GSTCD: variants seen among roughly 807,000 people sequenced by gnomAD.
GSTCD encodes glutathione S-transferase C-terminal domain containing, also known as glutathione S-transferase C-terminal domain-containing protein.
GSTCD carries 44 observed loss-of-function variants against 68.3 expected under a neutral mutation model. The observed-to-expected ratio is 0.64, with a 90% confidence interval of 0.51 to 0.83. The LOEUF (loss-of-function observed/expected upper bound fraction) is 0.83, where lower values mean the gene tolerates loss of function less well. Ranked by LOEUF, GSTCD falls within the 40% of genes least tolerant of loss-of-function variation. GSTCD has a pLI of 0.00. For missense variants in GSTCD, 739 were observed against 735.9 expected (o/e 1.00, Z -0.05); for synonymous variants, 273 against 255.2 (o/e 1.07, Z -0.67).
intron 5 of GSTCD, among the ~76,000 whole-genome samples, chr4:105,819,513 A>G (rs914146437): frequency 2.6e-5 from 4 of 151,786 alleles, no homozygotes; most frequent in African/African-American, 9.7e-5. Flanking sequence ...TATTGGGCAT[A>G]TAAGTAGGTA....
chr4:105,766,362 C>G (rs1037826723), intron 5 of GSTCD, among the ~76,000 whole-genome samples: 1 of 152,104 alleles, frequency 6.6e-6, no homozygotes, highest in Non-Finnish European at 1.5e-5. Context: ...GTGACTTCTC[C>G]CTTGCTCCTA....
chr4:105,750,172 A>G (rs1733958067), intron 5 of GSTCD, among the ~76,000 whole-genome samples: 1 of 152,216 alleles, frequency 6.6e-6, no homozygotes, highest in South Asian at 2.1e-4. Flanking sequence ...TTGAAAAGTA[A>G]CAACACTGAG....
chr4:105,743,199 C>A (rs1460145891), intron 5 of GSTCD, among the ~76,000 whole-genome samples: 1 of 152,064 alleles, frequency 6.6e-6, no homozygotes, highest in Non-Finnish European at 1.5e-5. Flanking sequence ...ATCTGCCCCC[C>A]TTGGCCTCCC....
intron 5 of GSTCD, among the ~76,000 whole-genome samples, chr4:105,791,396 A>C (rs1735669076): frequency 6.6e-6 from 1 of 150,962 alleles, no homozygotes; most frequent in Admixed American, 6.6e-5. Context: ...CCGTCTCAAA[A>C]AAAAAAAAAA....
chr4:105,775,971 G>A (rs1283505891), intron 5 of GSTCD, among the ~76,000 whole-genome samples: 1 of 152,190 alleles, frequency 6.6e-6, no homozygotes, highest in East Asian at 1.9e-4. Flanking sequence ...CAGGTGCTCT[G>A]TCCCAGGGAG....
At position 105,795,023 on chromosome 4, in the gene GSTCD, C is replaced by T. The variant is rs546585294; in HGVS notation, c.1241-27931C>T. Among the ~76,000 whole-genome samples, 251 of 151,808 alleles carry T rather than the reference C, an allele frequency of 1.7e-3. 1 individual carries two copies. Among genetic ancestry groups the T allele is most frequent in the African/African-American group, 5.5e-3 (227 of 41,274 alleles). On this transcript the variant is annotated intron_variant, in intron 5 of 11. Transcript: ENST00000515279. ...CTGAGTAGCTGGGATTACAGGCACC[C>T]GCCACCACACCCAGCTAATTTTTTG...
intron 5 of GSTCD, among the ~76,000 whole-genome samples, chr4:105,772,012 G>GT (rs1734869981): frequency 6.6e-6 from 1 of 152,154 alleles, no homozygotes; most frequent in Non-Finnish European, 1.5e-5. Context: ...AGCATGGAAT[G>GT]TTTTTCCATT....
At chr4:105,781,863 A>G (rs1186381163) in intron 5 of GSTCD, among the ~76,000 whole-genome samples, 1 of 151,680 alleles carries the variant, frequency 6.6e-6, no homozygotes, top group Non-Finnish European at 1.5e-5. Flanking sequence ...GTCAAAATGA[A>G]CTTTTCCCAC....
chr4:105,759,739 T>G lies in GSTCD; in HGVS notation c.1240+30240T>G, dbSNP rs536765379. The stretch of plus-strand genomic sequence containing the variant: ...TCAAAGGAGGAAAATAATTTAAAAT[T>G]TTTAATTATCCCTAAGATCTGATTT... On this transcript the variant is annotated intron_variant, in intron 5 of 11. Transcript: ENST00000515279. 6.8e-4 allele frequency among the ~76,000 whole-genome samples: 104 copies of G among 152,294 alleles called. 1 individual carries two copies. The highest frequency in any genetic ancestry group is 2.5e-3 in the African/African-American group (103 of 41,560).
intron 5 of GSTCD, among the ~76,000 whole-genome samples, chr4:105,733,824 G>C (rs564572487): frequency 1.2e-4 from 19 of 152,278 alleles, no homozygotes; most frequent in South Asian, 8.3e-4. Context: ...GTGGCTGGTA[G>C]CGGTTTTTCC....
chr4:105,709,319 G>A (rs1431300750), intron 1 of GSTCD: 1 of 152,502 alleles, frequency 6.6e-6, no homozygotes, highest in Admixed American at 6.5e-5. Context: ...TCCAGTTGGA[G>A]GCGTTGGTTG....
chr4:105,743,010 C>G (rs1330456768), intron 5 of GSTCD, among the ~76,000 whole-genome samples: 1 of 147,118 alleles, frequency 6.8e-6, no homozygotes, highest in Admixed American at 7.0e-5. Flanking sequence ...AGTGCAGTGC[C>G]GCGATCTCAG....
intron 5 of GSTCD, among the ~76,000 whole-genome samples, chr4:105,745,020 T>C (rs1035879224): frequency 4.6e-5 from 7 of 152,236 alleles, no homozygotes; most frequent in Non-Finnish European, 8.8e-5. Flanking sequence ...ATCATGAGTT[T>C]ATACAGATAC....
At chr4:105,736,878 C>T (rs1437700544) in intron 5 of GSTCD, among the ~76,000 whole-genome samples, 5 of 152,108 alleles carry the variant, frequency 3.3e-5, no homozygotes, top group African/African-American at 1.2e-4. Context: ...ATAATTTCCT[C>T]CAAGCTCATC....
intron 5 of GSTCD, among the ~76,000 whole-genome samples, chr4:105,803,454 A>C (rs1358855683): frequency 6.6e-6 from 1 of 152,128 alleles, no homozygotes; most frequent in African/African-American, 2.4e-5. Context: ...TGAGGGCATT[A>C]TTATAATGCT....
intron 5 of GSTCD, among the ~76,000 whole-genome samples, chr4:105,781,051 CATA>C (rs1735255085): frequency 6.6e-6 from 1 of 152,154 alleles, no homozygotes; most frequent in Admixed American, 6.5e-5. Context: ...CTTGGAGAAT[CATA>C]ATATTTACCT....
intron 5 of GSTCD, among the ~76,000 whole-genome samples, chr4:105,744,083 C>T (rs532698926): frequency 1.3e-5 from 2 of 152,246 alleles, no homozygotes; most frequent in South Asian, 4.1e-4. Flanking sequence ...TAAGGTGAAA[C>T]AGTTTACAGC....
intron 5 of GSTCD, among the ~76,000 whole-genome samples, chr4:105,791,501 T>G (rs989050356): frequency 6.6e-6 from 1 of 152,104 alleles, no homozygotes; most frequent in Non-Finnish European, 1.5e-5. Flanking sequence ...TTGCTTTGAA[T>G]GTCATTGATG....
Position 105,765,573 on chromosome 4 carries a change from A to C in GSTCD, c.1240+36074A>C, listed in dbSNP as rs138996896. Among the ~76,000 whole-genome samples the C allele has an allele frequency of 2.3e-4, 35 of 152,364 alleles. 1 individual carries two copies. The highest frequency in any genetic ancestry group is 7.2e-4 in the African/African-American group (30 of 41,584). On this transcript the variant is annotated intron_variant, in intron 5 of 11. Transcript: ENST00000515279. ...TCCCATGAAAATCAGGTGCATATGC[A>C]CAGTGATATAAGCTATTCAACAAGT...
Sources: gnomAD v4.1 joint callset for allele counts (sites outside exome capture counted in the v4.1 genomes callset) on GRCh38, gnomAD v4.1.1 for gene constraint, MANE v1.5 for transcripts, NCBI Gene and HGNC (gene_info 2026-07-23, HGNC 2026-07-21) for gene names.